The following KLHL32 variants were observed in gnomAD, a reference collection of about 807,000 sequenced individuals.
KLHL32 encodes the protein kelch like family member 32, also known as kelch-like protein 32.
A neutral mutation model predicts 64.8 loss-of-function variants in KLHL32; 35 were observed. The observed-to-expected ratio is 0.54, with a 90% CI of 0.41 to 0.72. The LOEUF is 0.72. Among genes scored for constraint, KLHL32 ranks in the 30% least tolerant of loss-of-function variants. KLHL32 has a pLI of 0.00. For missense variants in KLHL32, 589 were observed against 768.5 expected (o/e 0.77, Z 2.76); for synonymous variants, 259 against 281.0 (o/e 0.92, Z 0.78).
intron 10 of KLHL32, 89 bp downstream of exon 10, chr6:97,132,836 A>G: frequency 1.1e-6 from 1 of 923,518 alleles, no homozygotes; most frequent in Non-Finnish European, 1.7e-6. Context: ...AGAGATATTT[A>G]TGTTTAGAAA....
At chr6:96,939,340 G>A (rs1430544403) in intron 1 of KLHL32, among the ~76,000 whole-genome samples, 1 of 152,226 alleles carries the variant, frequency 6.6e-6, no homozygotes, top group African/African-American at 2.4e-5. Context: ...GCCAAAGGCT[G>A]ATGAGTCAGT....
chr6:96,953,101 C>A (rs979000088), intron 1 of KLHL32, among the ~76,000 whole-genome samples: 1 of 152,202 alleles, frequency 6.6e-6, no homozygotes, highest in Non-Finnish European at 1.5e-5. Context: ...TAATTAAACT[C>A]TTTCTCTACC....
At chr6:96,959,903 T>A (rs2128023625) in intron 1 of KLHL32, among the ~76,000 whole-genome samples, 1 of 152,350 alleles carries the variant, frequency 6.6e-6, no homozygotes, top group South Asian at 2.1e-4. Flanking sequence ...TCCTTTGTAC[T>A]GTTGGTCTTT....
intron 3 of KLHL32, among the ~76,000 whole-genome samples, chr6:97,014,048 T>G (rs1780770947): frequency 6.6e-6 from 1 of 152,130 alleles, no homozygotes; most frequent in Non-Finnish European, 1.5e-5. Flanking sequence ...GGCTCACGCT[T>G]GTAACCCCAC....
chr6:96,917,363 A>C, the KLHL32 span, among the ~76,000 whole-genome samples: 112,513 of 151,926 alleles, frequency 0.74, 42,011 homozygotes, highest in African/African-American at 0.82. Context: ...GAGACTCATA[A>C]CCTGTAGTCC....
chr6:97,067,115 C>T (rs1262221253), intron 5 of KLHL32, among the ~76,000 whole-genome samples: 2 of 152,166 alleles, frequency 1.3e-5, no homozygotes, highest in East Asian at 3.9e-4. Context: ...TATACCATTG[C>T]CCTCCAGTGC....
chr6:97,024,123 A>G (rs1454546904), intron 3 of KLHL32, among the ~76,000 whole-genome samples: 1 of 152,248 alleles, frequency 6.6e-6, no homozygotes. Flanking sequence ...GACTCAAGAA[A>G]TAGCTTCTAA....
intron 7 of KLHL32, among the ~76,000 whole-genome samples, chr6:97,118,660 T>TAACA (rs10635129): frequency 0.45 from 65,839 of 146,636 alleles, 14,936 homozygotes; most frequent in South Asian, 0.51. Flanking sequence ...TATTGGGAAC[T>TAACA]AACAGCAGGC....
At chr6:96,939,212 C>G (rs1187376882) in intron 1 of KLHL32, among the ~76,000 whole-genome samples, 1 of 152,142 alleles carries the variant, frequency 6.6e-6, no homozygotes, top group Admixed American at 6.5e-5. Flanking sequence ...CTTAAAGCTG[C>G]CATTGGTGTT....
intron 5 of KLHL32, among the ~76,000 whole-genome samples, chr6:97,068,009 GACACAC>G (rs60482205): frequency 4.7e-5 from 7 of 149,790 alleles, no homozygotes; most frequent in Admixed American, 1.3e-4. Context: ...ACTTCATACA[GACACAC>G]ACACACACAC....
At chr6:96,947,421 A>T (rs1472939441) in intron 1 of KLHL32, among the ~76,000 whole-genome samples, 1 of 152,206 alleles carries the variant, frequency 6.6e-6, no homozygotes, top group Non-Finnish European at 1.5e-5. Context: ...ACACAACCAC[A>T]TGTTAGGAAC....
At chr6:97,057,122 G>A (rs17057345) in intron 4 of KLHL32, among the ~76,000 whole-genome samples, 15,853 of 147,350 alleles carry the variant, frequency 0.11, 1,495 homozygotes, top group Admixed American at 0.24. Context: ...TTAAACAGGC[G>A]TAAATCTAAC....
rs796194028 is a variant in KLHL32 at position 97,055,808 on chromosome 6, A to C, written c.313-8820A>C. Among the ~76,000 whole-genome samples, 8 of 127,100 alleles carry C rather than the reference A, an allele frequency of 6.3e-5. 1 individual carries two copies. Among genetic ancestry groups the C allele is most frequent in the East Asian group, 2.1e-4 (1 of 4,712 alleles). The allele number at this position is 127,100 out of a possible 152,430, so 83.4% of individuals were successfully genotyped here. On this transcript the variant is annotated intron_variant, in intron 4 of 10. Coordinates refer to ENST00000369261, the MANE Select transcript of KLHL32 (RefSeq NM_052904.4). ...CTGAGAACCTGTCTAAAAAAAAAAA[A>C]AAAAAAAAAAAAAACCCCTTCTTAT...
rs543729961 is a variant in KLHL32, at chr6:97,027,378, T to C, written c.205-14114T>C. Reference sequence around the variant, plus strand: ...GCAGGAAGCCATTACCAATATCAGATTGGGCAGGTAAGAAACTTCCATGTC... The same window carrying C: ...GCAGGAAGCCATTACCAATATCAGACTGGGCAGGTAAGAAACTTCCATGTC... On this transcript the variant is annotated intron_variant, in intron 3 of 10. Coordinates refer to ENST00000369261, the MANE Select transcript of KLHL32 (RefSeq NM_052904.4). 4.6e-5 allele frequency among the ~76,000 whole-genome samples: 7 copies of C among 152,262 alleles called. No individual in the cohort carries two copies. The South Asian group carries it at 1.5e-3, about 32-fold the overall frequency.
chr6:96,989,942 A>G (rs1414134575), intron 3 of KLHL32, among the ~76,000 whole-genome samples: 1 of 152,114 alleles, frequency 6.6e-6, no homozygotes, highest in Non-Finnish European at 1.5e-5. Context: ...CTATCAGATC[A>G]GTTTGTTTCT....
chr6:97,078,157 C>T (rs1181189640), intron 5 of KLHL32, among the ~76,000 whole-genome samples: 3 of 152,114 alleles, frequency 2.0e-5, no homozygotes, highest in African/African-American at 7.2e-5. Flanking sequence ...AGTGGTTTCT[C>T]AGGCTGTTTG....
intron 1 of KLHL32, among the ~76,000 whole-genome samples, chr6:96,928,162 G>GA (rs1423773963): frequency 3.3e-5 from 5 of 152,176 alleles, no homozygotes; most frequent in Non-Finnish European, 7.4e-5. Flanking sequence ...CAGACACAGG[G>GA]AAAAAATTTT....
chr6:97,079,861 T>G (rs1050238849), intron 5 of KLHL32, among the ~76,000 whole-genome samples: 3 of 151,914 alleles, frequency 2.0e-5, no homozygotes, highest in African/African-American at 7.2e-5. Flanking sequence ...TGAAACCTTT[T>G]TAGAAAAAAA....
At chr6:97,009,358 C>T (rs930956103) in intron 3 of KLHL32, among the ~76,000 whole-genome samples, 5 of 151,986 alleles carry the variant, frequency 3.3e-5, no homozygotes, top group African/African-American at 1.2e-4. Context: ...TAATTTTTCG[C>T]AAGGCTTTGC....
Sources: gnomAD v4.1 joint callset for allele counts (sites outside exome capture counted in the v4.1 genomes callset) on GRCh38, gnomAD v4.1.1 for gene constraint, MANE v1.5 for transcripts, NCBI Gene and HGNC (gene_info 2026-07-23, HGNC 2026-07-21) for gene names.